The following TBX19 variants were observed in gnomAD, a reference collection of about 807,000 sequenced individuals.
TBX19 encodes T-box transcription factor 19, also known as T-box transcription factor TBX19.
Under a neutral mutation model 40.9 loss-of-function variants are expected in TBX19, and 33 were observed. That is an observed-to-expected ratio of 0.81 (90% CI 0.61 to 1.08). The LOEUF (loss-of-function observed/expected upper bound fraction) is 1.08. Ranked by LOEUF, TBX19 falls within the 50% of genes least tolerant of loss-of-function variation. The probability of loss-of-function intolerance (pLI) is 0.00; values close to 1 mark genes in which losing one functional copy is unlikely to be tolerated. For missense variants in TBX19, 494 were observed against 574.0 expected, an observed-to-expected ratio of 0.86 and a Z score of 1.42; for synonymous variants, 220 against 225.0, an observed-to-expected ratio of 0.98 and a Z score of 0.20.
intron 1 of TBX19, 51 bp from the exon 2 acceptor site, chr1:168,291,109 A>AG: frequency 1.2e-6 from 2 of 1,612,984 alleles, no homozygotes; most frequent in Non-Finnish European, 1.7e-6. Context: ...GGACAAGGTG[A>AG]GAGTTCCTCT....
At chr1:168,283,135 G>A (rs1163906861) in intron 1 of TBX19, among the ~76,000 whole-genome samples, 2 of 152,220 alleles carry the variant, frequency 1.3e-5, no homozygotes, top group Middle Eastern at 3.2e-3. Flanking sequence ...TTGAGCCCGG[G>A]ATCAGTCTGG....
chr1:168,298,824 T>TTTCCTTTCC lies in TBX19; in HGVS notation c.665+1042_665+1043insCTTTCCTTC, dbSNP rs1553289841. Among the ~76,000 whole-genome samples the TTTCCTTTCC allele has an allele frequency of 1.5e-4, 2 of 13,342 alleles. 1 individual carries two copies. The highest frequency in any genetic ancestry group is 8.9e-3 in the East Asian group (2 of 224). 8.8% of individuals were successfully genotyped at this position (13,342 alleles called of 152,430 possible). A position where few individuals can be genotyped will look rare whatever the true frequency, so the allele number is the denominator to read the frequency against. ...TCCCCTCCCTCCCTCCCTCCCTTCC[T>TTTCCTTTCC]TTCTTTCTTTCTTTCTTTCTTTCTT... is the stretch of plus-strand genomic sequence containing the variant. On this transcript the variant is annotated intron_variant, in intron 4 of 7. Coordinates refer to ENST00000367821, the MANE Select transcript of TBX19 (RefSeq NM_005149.3).
At chr1:168,302,531 A>G (rs1649304164) in intron 5 of TBX19, among the ~76,000 whole-genome samples, 1 of 152,142 alleles carries the variant, frequency 6.6e-6, no homozygotes, top group African/African-American at 2.4e-5. Context: ...GGCCTGCAGT[A>G]CTAAGTCTCA....
chr1:168,308,998 AAC>A, intron 7 of TBX19, 121 bp downstream of exon 7: 1 of 1,394,870 alleles, frequency 7.2e-7, no homozygotes, highest in Non-Finnish European at 1.0e-6. Flanking sequence ...TGACTTCTAA[AAC>A]ACTAAGAAGT....
Position 168,297,836 on chromosome 1 carries a change from A to G in TBX19, c.665+51A>G, listed in dbSNP as rs779539932. 9 of 1,439,866 alleles carry G rather than the reference A, an allele frequency of 6.3e-6. No homozygotes were observed. In the Admixed American group the frequency reaches 1.5e-4, roughly 25 times the overall value. The allele number at this position is 1,439,866 out of a possible 1,614,324, so 89.2% of individuals were successfully genotyped here. On this transcript the variant is annotated intron_variant, in intron 4 of 7. Coordinates refer to ENST00000367821, the MANE Select transcript of TBX19 (RefSeq NM_005149.3). ...CTTCTAATGAATGATTTATGCAAATACAAATGTGGAATTTATGATTATCTT... is the reference window on the plus strand; with the variant it reads ...CTTCTAATGAATGATTTATGCAAATGCAAATGTGGAATTTATGATTATCTT...
At chr1:168,290,128 C>T (rs1648903092) in intron 1 of TBX19, among the ~76,000 whole-genome samples, 1 of 151,928 alleles carries the variant, frequency 6.6e-6, no homozygotes, top group Non-Finnish European at 1.5e-5. Context: ...ACCCAGGAGG[C>T]AGAGACTCCA....
chr1:168,301,776 G>A (rs921368769), intron 5 of TBX19, among the ~76,000 whole-genome samples: 5 of 152,194 alleles, frequency 3.3e-5, no homozygotes, highest in African/African-American at 1.2e-4. Flanking sequence ...TGTAACATGA[G>A]CTGCTGATTG....
At chr1:168,296,751 G>C (rs1312777590) in intron 3 of TBX19, among the ~76,000 whole-genome samples, 1 of 152,130 alleles carries the variant, frequency 6.6e-6, no homozygotes, top group Non-Finnish European at 1.5e-5. Context: ...GCTCATGCCT[G>C]TAATCCCAGC....
At position 168,293,284 on chromosome 1, in the gene TBX19, A is replaced by AGTGTTTGTGTGTGTGTGTGTGT; in HGVS notation, c.603+10_603+11insTTGTGTGTGTGTGTGTGTGTGT. ...CTGCCTATCAGAATGAGGAGGTAAG[A>AGTGTTTGTGTGTGTGTGTGTGT]GTGTGTGTGTGTGTGTGTGTGTGTG... On this transcript the variant is annotated splice_region_variant and intron_variant, in intron 3 of 7. Coordinates refer to ENST00000367821, the MANE Select transcript of TBX19 (RefSeq NM_005149.3). The AGTGTTTGTGTGTGTGTGTGTGT allele has an allele frequency of 7.6e-7, 1 of 1,319,934 alleles. No homozygotes were observed. Among genetic ancestry groups the AGTGTTTGTGTGTGTGTGTGTGT allele is most frequent in the South Asian group, 1.3e-5 (1 of 76,326 alleles). 81.8% of individuals were successfully genotyped at this position (1,319,934 alleles called of 1,614,324 possible).
intron 1 of TBX19, among the ~76,000 whole-genome samples, chr1:168,286,096 T>C (rs929635371): frequency 6.6e-6 from 1 of 152,234 alleles, no homozygotes; most frequent in Admixed American, 6.5e-5. Flanking sequence ...ATTTACGTAG[T>C]GATAAAAACA....
rs1649142567 is a variant in TBX19, at chr1:168,297,524, G to T, written c.604-200G>T. 3 of 681,474 alleles carry T rather than the reference G, an allele frequency of 4.4e-6. No individual in the cohort carries two copies. In the South Asian group the frequency reaches 4.7e-5, roughly 11 times the overall value. 42.2% of individuals were successfully genotyped at this position (681,474 alleles called of 1,614,324 possible). A position where few individuals can be genotyped will look rare whatever the true frequency, so the allele number is the denominator to read the frequency against. On this transcript the variant is annotated intron_variant, in intron 3 of 7. Coordinates refer to ENST00000367821, the MANE Select transcript of TBX19 (RefSeq NM_005149.3). ...GTCCTTTGCCAGAGACAGCGCAGTG[G>T]TGATTAAGTGCTGGAGTAAGCAAAG... is the stretch of plus-strand genomic sequence containing the variant.
chr1:168,309,305 A>G (rs1649473595), intron 7 of TBX19, among the ~76,000 whole-genome samples: 1 of 152,172 alleles, frequency 6.6e-6, no homozygotes, highest in Non-Finnish European at 1.5e-5. Context: ...CCCAGGAGGC[A>G]GAGGTTGCAG....
intron 1 of TBX19, among the ~76,000 whole-genome samples, chr1:168,283,255 G>A (rs932477306): frequency 4.6e-5 from 7 of 152,150 alleles, no homozygotes; most frequent in South Asian, 2.1e-4. Context: ...GTCTGATTGC[G>A]GTGAACTTGG....
At position 168,312,732 on chromosome 1, in the gene TBX19, C is replaced by A; in HGVS notation, c.1077C>A (p.Ile359=). The change falls in exon 8 of 8, where the codon ATC becomes ATA. Residue 359 remains isoleucine (I), a synonymous_variant. Coordinates refer to ENST00000367821, the MANE Select transcript of TBX19 (RefSeq NM_005149.3). ...GPSPYPCLWT[I]SNGAGGPSGP... is the part of the protein sequence containing the mutation. Reference sequence around the variant, plus strand: ...GCCCCTACCCGTGCCTGTGGACCATCAGCAATGGTGCCGGAGGCCCCAGTG... The same window carrying A: ...GCCCCTACCCGTGCCTGTGGACCATAAGCAATGGTGCCGGAGGCCCCAGTG... 6.2e-7 allele frequency: 1 copy of A among 1,613,830 alleles called. No homozygotes were observed. The highest frequency in any genetic ancestry group is 8.5e-7 in the Non-Finnish European group (1 of 1,180,048).
rs57039241 is a variant in TBX19, at chr1:168,293,284, AGT to A, written c.603+47_603+48del. 79,853 of 1,294,974 alleles carry A rather than the reference AGT, an allele frequency of 0.062. 100 individuals are homozygous for A. The highest frequency in any genetic ancestry group is 0.065 in the Non-Finnish European group (62,781 of 963,086). 80.2% of individuals were successfully genotyped at this position (1,294,974 alleles called of 1,614,324 possible). On this transcript the variant is annotated splice_region_variant and intron_variant, in intron 3 of 7. Transcript: ENST00000367821. The stretch of plus-strand genomic sequence containing the variant: ...CTGCCTATCAGAATGAGGAGGTAAG[AGT>A]GTGTGTGTGTGTGTGTGTGTGTGTG...
At chr1:168,307,649 C>G (rs1025665392) in intron 6 of TBX19, among the ~76,000 whole-genome samples, 16 of 152,086 alleles carry the variant, frequency 1.1e-4, no homozygotes, top group African/African-American at 3.9e-4. Context: ...TCCCTTCCTT[C>G]CTCCCTCCCT....
intron 3 of TBX19, among the ~76,000 whole-genome samples, chr1:168,295,155 G>A (rs544941643): frequency 1.2e-4 from 18 of 152,204 alleles, no homozygotes; most frequent in Admixed American, 1.0e-3. Context: ...GCTGGGTGCA[G>A]TGGCGGGTGC....
intron 5 of TBX19, among the ~76,000 whole-genome samples, chr1:168,302,372 A>C (rs1649300135): frequency 6.6e-6 from 1 of 152,212 alleles, no homozygotes. Flanking sequence ...GGTGGGTTCT[A>C]ATATCAAGCT....
chr1:168,297,650 A>C (rs1649146244), intron 3 of TBX19, 74 bp from the exon 4 acceptor site: 13 of 1,368,562 alleles, frequency 9.5e-6, no homozygotes, highest in Non-Finnish European at 1.4e-5. Context: ...AACTGGTTTT[A>C]CAGAAGACAA....
Sources: allele counts gnomAD v4.1 joint callset (sites outside exome capture counted in the v4.1 genomes callset), GRCh38; gene constraint gnomAD v4.1.1; transcripts MANE v1.5; gene names NCBI Gene and HGNC (gene_info 2026-07-23, HGNC 2026-07-21).